VPS36: variants seen among roughly 807,000 people sequenced by gnomAD.
VPS36 encodes the protein vacuolar protein sorting 36 homolog.
In VPS36, 31 loss-of-function variants were observed where a neutral mutation model predicts 63.5. That is an observed-to-expected ratio of 0.49 (90% CI 0.37 to 0.66). The LOEUF (loss-of-function observed/expected upper bound fraction) is 0.66. Ranked by LOEUF, VPS36 falls within the 30% of genes least tolerant of loss-of-function variation. The probability of loss-of-function intolerance (pLI) is 0.00; values close to 1 mark genes in which losing one functional copy is unlikely to be tolerated. For missense variants in VPS36, 338 were observed against 463.7 expected, an observed-to-expected ratio of 0.73 and a Z score of 2.49; for synonymous variants, 138 against 157.2, an observed-to-expected ratio of 0.88 and a Z score of 0.91.
chr13:52,419,744 A>G lies in VPS36; in HGVS notation c.841-1688T>C, dbSNP rs1056381709. ...AACAGTCAACATCATTTGCAACAAC[A>G]TGGATAGAACTGGAAGACATTGTTT... On this transcript the variant is annotated intron_variant, in intron 10 of 13. Coordinates refer to ENST00000378060, the MANE Select transcript of VPS36 (RefSeq NM_016075.4). Among the ~76,000 whole-genome samples, 7 of 152,260 alleles carry G rather than the reference A, an allele frequency of 4.6e-5. No homozygotes were observed. The East Asian group carries it at 1.3e-3, about 29-fold the overall frequency.
intron 2 of VPS36, among the ~76,000 whole-genome samples, chr13:52,440,224 C>G (rs1566089423): frequency 6.6e-6 from 1 of 152,178 alleles, no homozygotes; most frequent in African/African-American, 2.4e-5. Flanking sequence ...AGTGACCCCC[C>G]TGCCTCGGCC....
At chr13:52,444,654 G>A (rs377446789) in intron 1 of VPS36, among the ~76,000 whole-genome samples, 35 of 150,862 alleles carry the variant, frequency 2.3e-4, no homozygotes, top group Non-Finnish European at 1.5e-4. Flanking sequence ...TTATTTATGC[G>A]GTTGATAATA....
At chr13:52,432,585 T>A (rs976990719) in intron 6 of VPS36, among the ~76,000 whole-genome samples, 2 of 152,150 alleles carry the variant, frequency 1.3e-5, no homozygotes, top group African/African-American at 4.8e-5. Context: ...ACCAATGAAC[T>A]AATAGATCTA....
At chr13:52,422,832 C>G (rs183917447) in intron 10 of VPS36, among the ~76,000 whole-genome samples, 1 of 152,236 alleles carries the variant, frequency 6.6e-6, no homozygotes, top group African/African-American at 2.4e-5. Flanking sequence ...CTTAATTGCC[C>G]TGTGATATGG....
At chr13:52,420,932 C>T (rs1958039467) in intron 10 of VPS36, among the ~76,000 whole-genome samples, 1 of 152,102 alleles carries the variant, frequency 6.6e-6, no homozygotes, top group African/African-American at 2.4e-5. Flanking sequence ...ACCAGTTTGG[C>T]CAACATGGGG....
chr13:52,447,025 G>A (rs1299463322), intron 1 of VPS36, among the ~76,000 whole-genome samples: 3 of 151,686 alleles, frequency 2.0e-5, no homozygotes, highest in African/African-American at 4.8e-5. Context: ...ACAGGCACCC[G>A]CCACCACGCC....
intron 6 of VPS36, among the ~76,000 whole-genome samples, chr13:52,432,599 A>G (rs548918628): frequency 6.6e-6 from 1 of 152,340 alleles, no homozygotes; most frequent in South Asian, 2.1e-4. Context: ...AGATCTAGGC[A>G]CTGAATATTA....
At chr13:52,422,194 C>T (rs986863590) in intron 10 of VPS36, among the ~76,000 whole-genome samples, 4 of 152,116 alleles carry the variant, frequency 2.6e-5, no homozygotes, top group African/African-American at 9.7e-5. Context: ...TTAGCTCGCA[C>T]ATGAGTGAGA....
intron 3 of VPS36, among the ~76,000 whole-genome samples, chr13:52,437,880 A>G (rs1278839745): frequency 6.6e-6 from 1 of 152,142 alleles, no homozygotes; most frequent in South Asian, 2.1e-4. Context: ...CAGTGAGCCA[A>G]GATAGTGCCA....
At chr13:52,423,774 T>C (rs1272894068) in intron 9 of VPS36, 135 bp from the exon 10 acceptor site, 5 of 706,918 alleles carry the variant, frequency 7.1e-6, no homozygotes, top group Non-Finnish European at 4.6e-6. Context: ...ACTTTATTTA[T>C]ACAAAGGAGA....
intron 10 of VPS36, among the ~76,000 whole-genome samples, chr13:52,419,570 T>C (rs1343499197): frequency 1.3e-5 from 2 of 152,198 alleles, no homozygotes; most frequent in Admixed American, 1.3e-4. Flanking sequence ...ACAGCCACTA[T>C]GAAAAACAGT....
chr13:52,433,971 G>A (rs923654325), intron 5 of VPS36, among the ~76,000 whole-genome samples: 9 of 152,100 alleles, frequency 5.9e-5, no homozygotes, highest in African/African-American at 2.2e-4. Flanking sequence ...TACAATAAAT[G>A]GCATATTTTA....
intron 8 of VPS36, among the ~76,000 whole-genome samples, chr13:52,426,681 C>T (rs559796324): frequency 5.3e-5 from 8 of 152,012 alleles, no homozygotes; most frequent in South Asian, 2.1e-4. Flanking sequence ...CGGTGAAACC[C>T]GGTCTCTACT....
chr13:52,423,845 CTTTATTTTTATT>C (rs538876646), intron 9 of VPS36, among the ~76,000 whole-genome samples: 2 of 152,044 alleles, frequency 1.3e-5, no homozygotes, highest in South Asian at 2.1e-4. Context: ...GTCATTACCA[CTTTATTTTTATT>C]TTTATTTTTA....
chr13:52,444,254 G>A (rs576628770), intron 1 of VPS36, among the ~76,000 whole-genome samples: 5 of 151,982 alleles, frequency 3.3e-5, no homozygotes, highest in Non-Finnish European at 7.4e-5. Flanking sequence ...TCTGGAGATC[G>A]AGACCATCCT....
intron 5 of VPS36, among the ~76,000 whole-genome samples, 187 bp downstream of exon 5, chr13:52,434,606 C>A (rs1229275518): frequency 6.6e-6 from 1 of 152,316 alleles, no homozygotes; most frequent in East Asian, 1.9e-4. Context: ...ATCCACCCCG[C>A]CTTGGCCTCC....
In VPS36 at chr13:52,412,787, T is replaced by C. The variant is rs966396173; in HGVS notation, c.*3043A>G. ...AGAATACATCCATGAACAAACCAGATAAAAACTTCTGCCCTTGCGCAGCTT... is the reference window on the plus strand; with the variant it reads ...AGAATACATCCATGAACAAACCAGACAAAAACTTCTGCCCTTGCGCAGCTT... On this transcript the variant is annotated 3_prime_UTR_variant, in exon 14 of 14. Transcript: ENST00000378060. 1 of 152,194 alleles carries C rather than the reference T, an allele frequency of 6.6e-6. No individual in the cohort carries two copies. The allele number at this position is 152,194 out of a possible 1,614,324, so 9.4% of individuals were successfully genotyped here. A position where few individuals can be genotyped will look rare whatever the true frequency, so the allele number is the denominator to read the frequency against.
chr13:52,436,164 T>C, intron 4 of VPS36, 126 bp downstream of exon 4: 2 of 566,412 alleles, frequency 3.5e-6, no homozygotes, highest in Non-Finnish European at 6.0e-6. Flanking sequence ...TGTAAAAATA[T>C]GGTGAAATCT....
intron 2 of VPS36, among the ~76,000 whole-genome samples, chr13:52,441,582 C>T (rs1378319752): frequency 6.6e-6 from 1 of 152,150 alleles, no homozygotes; most frequent in African/African-American, 2.4e-5. Context: ...TAAACCCCGT[C>T]TCTACTAAAA....
Sources: gnomAD v4.1 joint callset for allele counts (sites outside exome capture counted in the v4.1 genomes callset) on GRCh38, gnomAD v4.1.1 for gene constraint, MANE v1.5 for transcripts, NCBI Gene and HGNC (gene_info 2026-07-23, HGNC 2026-07-21) for gene names.